TXNRD1: variants seen among roughly 807,000 people sequenced by gnomAD.
TXNRD1 encodes thioredoxin reductase 1, also known as thioredoxin reductase 1, cytoplasmic.
Under a neutral mutation model 80.3 loss-of-function variants are expected in TXNRD1, and 57 were observed. The observed-to-expected ratio is 0.71, with a 90% CI of 0.57 to 0.89. TXNRD1 has a LOEUF of 0.89. TXNRD1 is among the 40% of genes least tolerant of loss of function. The pLI, the probability that TXNRD1 is intolerant of heterozygous loss-of-function variation, is 0.00. For missense variants in TXNRD1, 730 were observed against 803.0 expected, an observed-to-expected ratio of 0.91 and a Z score of 1.10; for synonymous variants, 291 against 285.2, an observed-to-expected ratio of 1.02 and a Z score of -0.20.
rs568115164 is a variant in TXNRD1 at position 104,349,680 on chromosome 12, C to G, written c.*1259C>G. On this transcript the variant is annotated 3_prime_UTR_variant, in exon 17 of 17. Transcript: ENST00000525566. ...AATGTACTGGCTGAGGATTCTATCT[C>G]AGCTGTCTTTTCTAACTGTGTAGGT... is the stretch of plus-strand genomic sequence containing the variant. 1 of 152,572 alleles carries G rather than the reference C, an allele frequency of 6.6e-6. No individual in the cohort carries two copies. Among genetic ancestry groups the G allele is most frequent in the African/African-American group, 2.4e-5 (1 of 41,576 alleles). 9.5% of individuals were successfully genotyped at this position (152,572 alleles called of 1,614,324 possible). A position where few individuals can be genotyped will look rare whatever the true frequency, so the allele number is the denominator to read the frequency against.
At chr12:104,326,478 T>G (rs2035769521) in intron 12 of TXNRD1, 55 bp downstream of exon 12, 1 of 1,233,772 alleles carries the variant, frequency 8.1e-7, no homozygotes, top group African/African-American at 1.6e-5. Flanking sequence ...TTTTTTTTTT[T>G]TTTTGAGATG....
rs1023683414 is a variant in TXNRD1, at chr12:104,349,787, C to G, written c.*1366C>G. ...TTCTTTTTCATTCCTGCTACTCTAC[C>G]TGTATTTCTCAGTTGCAGCACTGAG... On this transcript the variant is annotated 3_prime_UTR_variant, in exon 17 of 17. Transcript: ENST00000525566. The G allele has an allele frequency of 3.9e-5, 6 of 152,490 alleles. No homozygotes were observed. The allele number at this position is 152,490 out of a possible 1,614,324, so 9.4% of individuals were successfully genotyped here.
intron 4 of TXNRD1, among the ~76,000 whole-genome samples, chr12:104,305,994 G>A (rs1803256265): frequency 6.6e-6 from 1 of 151,912 alleles, no homozygotes; most frequent in African/African-American, 2.4e-5. Context: ...ACCTCTGCCT[G>A]CGGGGTTCAG....
intron 1 of TXNRD1, among the ~76,000 whole-genome samples, chr12:104,236,953 G>A (rs1282068763): frequency 1.3e-5 from 2 of 151,674 alleles, no homozygotes; most frequent in Non-Finnish European, 2.9e-5. Context: ...CACTCTTAAT[G>A]CATGCATGAG....
At chr12:104,304,767 A>G (rs2034817998) in intron 4 of TXNRD1, 1 of 1,614,002 alleles carries the variant, frequency 6.2e-7, no homozygotes, top group Admixed American at 1.7e-5. Flanking sequence ...CTTGATGAAG[A>G]CAGGCTGCCA....
rs144341130 is a variant in TXNRD1 at position 104,348,263 on chromosome 12, G to A, written c.1882-90G>A. The A allele has an allele frequency of 3.1e-4, 365 of 1,173,886 alleles. 2 individuals carry two copies. The African/African-American group carries it at 4.4e-3, about 14-fold the overall frequency. 72.7% of individuals were successfully genotyped at this position (1,173,886 alleles called of 1,614,324 possible). A position where few individuals can be genotyped will look rare whatever the true frequency, so the allele number is the denominator to read the frequency against. On this transcript the variant is annotated intron_variant, in intron 16 of 16. Transcript: ENST00000525566. Reference sequence around the variant, plus strand: ...TTCATTTTGGTAGTCGCCTAAGATGGTTTTAATGCATATGGCATTATCTGA... The same window carrying A: ...TTCATTTTGGTAGTCGCCTAAGATGATTTTAATGCATATGGCATTATCTGA...
At chr12:104,242,694 T>C (rs2032900752) in intron 1 of TXNRD1, among the ~76,000 whole-genome samples, 2 of 152,308 alleles carry the variant, frequency 1.3e-5, no homozygotes, top group South Asian at 2.1e-4. Flanking sequence ...ACGTTCCCTG[T>C]GGTAGAGCCC....
At chr12:104,335,588 GGGATT>G (rs1355012374) in intron 15 of TXNRD1, among the ~76,000 whole-genome samples, 1 of 152,154 alleles carries the variant, frequency 6.6e-6, no homozygotes, top group African/African-American at 2.4e-5. Flanking sequence ...TATGAAATGA[GGGATT>G]GGATAATTCA....
rs143243561 is a variant in TXNRD1, at chr12:104,299,968, A to C, written c.414+10928A>C. Among the ~76,000 whole-genome samples the C allele has an allele frequency of 1.7e-4, 26 of 152,318 alleles. 1 individual carries two copies. The East Asian group carries it at 4.4e-3, about 26-fold the overall frequency. On this transcript the variant is annotated intron_variant, in intron 4 of 16. Transcript: ENST00000525566. ...GAGGTAGCTATTAGGATAAGTGTATATGTTAGAGTGTGGGACTCAAACCTG... is the reference window on the plus strand; with the variant it reads ...GAGGTAGCTATTAGGATAAGTGTATCTGTTAGAGTGTGGGACTCAAACCTG...
chr12:104,269,051 C>T (rs1023007986), intron 3 of TXNRD1, among the ~76,000 whole-genome samples: 5 of 151,320 alleles, frequency 3.3e-5, no homozygotes, highest in Admixed American at 1.3e-4. Flanking sequence ...ATTACAGGCG[C>T]CTGCCACCAT....
intron 3 of TXNRD1, among the ~76,000 whole-genome samples, chr12:104,272,990 C>CA (rs148264434): frequency 0.35 from 51,051 of 147,242 alleles, 9,557 homozygotes; most frequent in East Asian, 0.83. Context: ...GACTCCATCT[C>CA]AAAAAAAAAA....
intron 3 of TXNRD1, chr12:104,265,452 A>G (rs1593724787): frequency 4.4e-6 from 7 of 1,605,438 alleles, no homozygotes; most frequent in Non-Finnish European, 5.9e-6. Flanking sequence ...GGTACTTTGT[A>G]TCTCAGTTAA....
Position 104,321,074 on chromosome 12 carries a change from T to C in TXNRD1, c.990-17T>C. The C allele has an allele frequency of 6.6e-7, 1 of 1,525,026 alleles. No individual in the cohort carries two copies. Among genetic ancestry groups the C allele is most frequent in the Non-Finnish European group, 8.9e-7 (1 of 1,122,392 alleles). 94.5% of individuals were successfully genotyped at this position (1,525,026 alleles called of 1,614,324 possible). On this transcript the variant is annotated splice_polypyrimidine_tract_variant and intron_variant, in intron 9 of 16. Coordinates refer to ENST00000525566, the MANE Select transcript of TXNRD1 (RefSeq NM_001093771.3). ...TTTCTTTTTCTTCTTTCTTCCTTTT[T>C]TTTTTTTTTCCCCCAGTGATGATCT...
At chr12:104,285,375 G>T (rs2033949265) in intron 3 of TXNRD1, among the ~76,000 whole-genome samples, 2 of 152,156 alleles carry the variant, frequency 1.3e-5, no homozygotes, top group African/African-American at 4.8e-5. Context: ...TTTTAAAATG[G>T]TGATTTTAAT....
At chr12:104,338,609 A>G (rs970044289) in intron 15 of TXNRD1, among the ~76,000 whole-genome samples, 1 of 147,850 alleles carries the variant, frequency 6.8e-6, no homozygotes, top group East Asian at 2.0e-4. Flanking sequence ...AGGCAAGAGA[A>G]TCGCTTGAAT....
At chr12:104,294,686 T>C (rs1593772159) in intron 4 of TXNRD1, among the ~76,000 whole-genome samples, 1 of 152,172 alleles carries the variant, frequency 6.6e-6, no homozygotes, top group Non-Finnish European at 1.5e-5. Context: ...TCCAGGCTGG[T>C]CTCAAAACTC....
In TXNRD1 at chr12:104,258,074, A is replaced by C. The variant is rs903654989; in HGVS notation, c.299A>C (p.Gln100Pro). 10 of 1,549,906 alleles carry C rather than the reference A, an allele frequency of 6.5e-6. No individual in the cohort carries two copies. The highest frequency in any genetic ancestry group is 7.9e-6 in the Non-Finnish European group (9 of 1,144,674). Residue 100 changes from glutamine (Q) to proline (P), a missense_variant, in exon 3 of 17, where the codon CAA becomes CCA. By Grantham distance (76) the Gln-to-Pro change is moderately conservative (BLOSUM62 -1). Coordinates refer to ENST00000525566, the MANE Select transcript of TXNRD1 (RefSeq NM_001093771.3). ...CCTTATTTTGTGCTTGAACTTGATC[A>C]AACAGGTAAGTTTCTGTTTAATATG... is the stretch of plus-strand genomic sequence containing the variant. The part of the protein sequence containing the change: ...CVPYFVLELD[Q>P]TEDGRALEGT...
rs553511730 is a variant in TXNRD1, at chr12:104,293,585, G to GAACT, written c.414+4547_414+4550dup. On this transcript the variant is annotated intron_variant, in intron 4 of 16. Transcript: ENST00000525566. Reference sequence around the variant, plus strand: ...CCCACCTCAGCCTCCCGAATAGCTGGAACTACAAGCGCACACCACCTCACC... The same window carrying GAACT: ...CCCACCTCAGCCTCCCGAATAGCTGGAACTAACTACAAGCGCACACCACCTCACC... Among the ~76,000 whole-genome samples the GAACT allele has an allele frequency of 2.0e-3, 299 of 152,236 alleles. 1 individual carries two copies. Among genetic ancestry groups the GAACT allele is most frequent in the Non-Finnish European group, 3.1e-3 (211 of 68,006 alleles).
At chr12:104,304,321 G>C in intron 4 of TXNRD1, 1 of 1,614,056 alleles carries the variant, frequency 6.2e-7, no homozygotes, top group Non-Finnish European at 8.5e-7. Context: ...TCGTGGGTCT[G>C]AATTGGATGG....
Sources: gnomAD v4.1 joint callset for allele counts (sites outside exome capture counted in the v4.1 genomes callset) on GRCh38, gnomAD v4.1.1 for gene constraint, MANE v1.5 for transcripts, NCBI Gene and HGNC (gene_info 2026-07-23, HGNC 2026-07-21) for gene names.